LSAMP: variants seen among roughly 807,000 people sequenced by gnomAD.
LSAMP encodes the protein limbic system associated membrane protein, also known as limbic system-associated membrane protein.
Under a neutral mutation model 38.6 loss-of-function variants are expected in LSAMP, and 7 were observed. That is an observed-to-expected ratio of 0.18 (90% CI 0.10 to 0.34). The LOEUF (loss-of-function observed/expected upper bound fraction) is 0.34, where lower values mean the gene tolerates loss of function less well. Among genes scored for constraint, LSAMP ranks in the 10% least tolerant of loss-of-function variants. LSAMP has a pLI of 1.00. For synonymous variants in LSAMP, 154 were observed against 166.8 expected, an observed-to-expected ratio of 0.92 and a Z score of 0.59; for missense variants, 313 against 420.0, an observed-to-expected ratio of 0.75 and a Z score of 2.23.
chr3:115,908,006 T>C (rs903193190), intron 3 of LSAMP, among the ~76,000 whole-genome samples: 3 of 151,918 alleles, frequency 2.0e-5, no homozygotes, highest in Non-Finnish European at 2.9e-5. Context: ...ATAGTGCTAG[T>C]AATCTACACT....
intron 3 of LSAMP, among the ~76,000 whole-genome samples, chr3:115,915,938 C>T (rs569642630): frequency 6.6e-6 from 1 of 152,242 alleles, no homozygotes; most frequent in African/African-American, 2.4e-5. Context: ...GAACACTATG[C>T]TGACTTTGGC....
At chr3:116,062,273 C>A (rs1304545183) in intron 2 of LSAMP, among the ~76,000 whole-genome samples, 1 of 152,162 alleles carries the variant, frequency 6.6e-6, no homozygotes. Flanking sequence ...CTTTGGGACA[C>A]CAAGGCAGGC....
At chr3:115,885,819 G>A (rs781687229) in intron 3 of LSAMP, among the ~76,000 whole-genome samples, 8 of 151,988 alleles carry the variant, frequency 5.3e-5, no homozygotes, top group Non-Finnish European at 1.0e-4. Flanking sequence ...ACCACGGACA[G>A]CTCTCTTAAG....
chr3:115,953,985 C>A (rs1292741933), intron 3 of LSAMP, among the ~76,000 whole-genome samples: 7 of 152,102 alleles, frequency 4.6e-5, no homozygotes, highest in African/African-American at 1.4e-4. Context: ...AGCAAATGCC[C>A]CTGCACTCTT....
chr3:116,209,002 G>A (rs113956610), intron 1 of LSAMP, among the ~76,000 whole-genome samples: 120 of 152,264 alleles, frequency 7.9e-4, no homozygotes, highest in African/African-American at 2.6e-3. Flanking sequence ...CCGGAGCCTC[G>A]CTGCCGCCTT....
intron 1 of LSAMP, among the ~76,000 whole-genome samples, chr3:116,239,878 C>A (rs1379949691): frequency 2.0e-5 from 3 of 152,154 alleles, no homozygotes; most frequent in African/African-American, 7.2e-5. Flanking sequence ...TTTGGTCCTT[C>A]CTGATTTTCT....
At chr3:116,363,714 A>T (rs2048315929) in intron 1 of LSAMP, among the ~76,000 whole-genome samples, 1 of 138,308 alleles carries the variant, frequency 7.2e-6, no homozygotes, top group South Asian at 2.4e-4. Flanking sequence ...AATATACGCA[A>T]ATCAATAAAT....
At chr3:116,334,978 A>C (rs977669759) in intron 1 of LSAMP, among the ~76,000 whole-genome samples, 23 of 152,054 alleles carry the variant, frequency 1.5e-4, no homozygotes, top group Non-Finnish European at 3.2e-4. Flanking sequence ...ATATATAGAA[A>C]ATCTTAATAG....
At chr3:115,845,973 T>TGA (rs2107511686) in intron 4 of LSAMP, among the ~76,000 whole-genome samples, 1 of 152,302 alleles carries the variant, frequency 6.6e-6, no homozygotes, top group East Asian at 1.9e-4. Flanking sequence ...TACTGATAAA[T>TGA]ATACAAAGAG....
chr3:116,009,088 C>G (rs1940249643), intron 3 of LSAMP, among the ~76,000 whole-genome samples: 1 of 152,166 alleles, frequency 6.6e-6, no homozygotes, highest in Non-Finnish European at 1.5e-5. Context: ...CTCTCAATCT[C>G]TAGGCTGAAA....
Position 116,349,418 on chromosome 3 carries a change from T to A in LSAMP, c.155+95459A>T, listed in dbSNP as rs141417256. On this transcript the variant is annotated intron_variant, in intron 1 of 6. Transcript: ENST00000490035. ...ATATGAGAAGCAAACTGTACAGTTA[T>A]TTACTTAGTATCATCATACTTTAAA... Among the ~76,000 whole-genome samples the A allele has an allele frequency of 6.2e-3, 936 of 151,780 alleles. 8 individuals are homozygous for A. Among genetic ancestry groups the A allele is most frequent in the African/African-American group, 0.021 (889 of 41,440 alleles).
At chr3:116,062,547 T>C (rs553903644) in intron 2 of LSAMP, among the ~76,000 whole-genome samples, 1 of 152,104 alleles carries the variant, frequency 6.6e-6, no homozygotes, top group Non-Finnish European at 1.5e-5. Flanking sequence ...AAGTATATAC[T>C]CAGTGTGAAA....
intron 1 of LSAMP, among the ~76,000 whole-genome samples, chr3:116,374,538 C>T (rs954607831): frequency 2.6e-5 from 4 of 151,890 alleles, no homozygotes; most frequent in Non-Finnish European, 5.9e-5. Flanking sequence ...GAATGTCAAT[C>T]ATATAGAGAT....
At chr3:116,048,120 G>A (rs1465237183) in intron 2 of LSAMP, among the ~76,000 whole-genome samples, 1 of 152,192 alleles carries the variant, frequency 6.6e-6, no homozygotes, top group Non-Finnish European at 1.5e-5. Flanking sequence ...GGATGAATTT[G>A]TGAATAAACT....
intron 1 of LSAMP, among the ~76,000 whole-genome samples, chr3:116,234,762 T>A (rs2046445002): frequency 6.6e-6 from 1 of 152,202 alleles, no homozygotes; most frequent in Non-Finnish European, 1.5e-5. Context: ...GATTTCTTGA[T>A]GTTGCTAATT....
At chr3:116,245,668 T>A (rs1040401044) in intron 1 of LSAMP, among the ~76,000 whole-genome samples, 12 of 152,200 alleles carry the variant, frequency 7.9e-5, no homozygotes, top group African/African-American at 2.7e-4. Context: ...TTATAAATTA[T>A]TTTTAAAAAT....
chr3:115,929,018 C>T (rs1453547610), intron 3 of LSAMP, among the ~76,000 whole-genome samples: 2 of 120,788 alleles, frequency 1.7e-5, no homozygotes, highest in Admixed American at 1.1e-4. Context: ...AGTTAGGTAG[C>T]GCTTAGCTGT....
chr3:116,353,889 A>T (rs1193184616), intron 1 of LSAMP, among the ~76,000 whole-genome samples: 1 of 152,162 alleles, frequency 6.6e-6, no homozygotes, highest in African/African-American at 2.4e-5. Flanking sequence ...ATTAAAATAA[A>T]GTTCATAAAA....
intron 1 of LSAMP, among the ~76,000 whole-genome samples, chr3:116,340,034 G>A (rs1223452665): frequency 6.6e-6 from 1 of 152,028 alleles, no homozygotes; most frequent in Non-Finnish European, 1.5e-5. Context: ...AGAACATACA[G>A]CATGACTAGA....
Sources: allele counts gnomAD v4.1 joint callset (sites outside exome capture counted in the v4.1 genomes callset), GRCh38; gene constraint gnomAD v4.1.1; transcripts MANE v1.5; gene names NCBI Gene and HGNC (gene_info 2026-07-23, HGNC 2026-07-21).